TTL: variants seen among roughly 807,000 people sequenced by gnomAD.
TTL encodes tubulin tyrosine ligase, also known as tubulin--tyrosine ligase.
Under a neutral mutation model 41.1 loss-of-function variants are expected in TTL, and 10 were observed. That is an observed-to-expected ratio of 0.24 (90% CI 0.15 to 0.41). TTL has a LOEUF of 0.41. Ranked by LOEUF, TTL falls within the 10% of genes least tolerant of loss-of-function variation. The pLI, the probability that TTL is intolerant of heterozygous loss-of-function variation, is 1.00. For synonymous variants in TTL, 175 were observed against 175.5 expected, an observed-to-expected ratio of 1.00 and a Z score of 0.02; for missense variants, 367 against 460.4, an observed-to-expected ratio of 0.80 and a Z score of 1.86.
rs1237559187 is a variant in TTL at position 112,484,519 on chromosome 2, C to T, written c.158-1398C>T. ...ACCTCAGGTGATCCGCCCACTTCGT[C>T]CTCCCAAAGTGCTGGGATTACAGGC... On this transcript the variant is annotated intron_variant, in intron 1 of 6. Coordinates refer to ENST00000233336, the MANE Select transcript of TTL (RefSeq NM_153712.5). 2.6e-5 allele frequency among the ~76,000 whole-genome samples: 4 copies of T among 152,098 alleles called. 1 individual carries two copies. The highest frequency in any genetic ancestry group is 9.7e-5 in the African/African-American group (4 of 41,420).
chr2:112,520,147 AAAAG>A, intron 5 of TTL, 131 bp from the exon 6 acceptor site: 3 of 1,107,864 alleles, frequency 2.7e-6, no homozygotes, highest in South Asian at 1.7e-5. Flanking sequence ...AAAAAAAAAA[AAAAG>A]GAAACAGAGA....
intron 6 of TTL, among the ~76,000 whole-genome samples, chr2:112,526,230 T>C (rs183410223): frequency 3.3e-5 from 5 of 152,338 alleles, no homozygotes; most frequent in African/African-American, 1.2e-4. Context: ...TCATCAGGGA[T>C]ATTGGTCTAA....
At chr2:112,528,558 C>T (rs544941620) in intron 6 of TTL, 123 bp from the exon 7 acceptor site, 9 of 732,980 alleles carry the variant, frequency 1.2e-5, no homozygotes, top group East Asian at 8.1e-5. Context: ...GTACCATGAT[C>T]GCACCACTGC....
At chr2:112,515,718 CA>C (rs1682050401) in intron 5 of TTL, among the ~76,000 whole-genome samples, 1 of 152,122 alleles carries the variant, frequency 6.6e-6, no homozygotes, top group Admixed American at 6.6e-5. Flanking sequence ...GAGGCCGAGG[CA>C]GGCAGATCAC....
chr2:112,494,231 G>C lies in TTL; in HGVS notation c.325G>C (p.Val109Leu). ...VIYPTNLKTP[V>L]APAQNGIQPP... ...TTATCCAACCAATCTCAAGACTCCA[G>C]TTGCTCCAGCACAGAATGGAATTCA... The change falls in exon 3 of 7, where the codon GTT (valine) becomes CTT (leucine). Residue 109 changes from valine (V) to leucine (L), a missense_variant. By Grantham distance (32) the Val-to-Leu change is conservative. Transcript: ENST00000233336. 6.2e-7 allele frequency: 1 copy of C among 1,614,190 alleles called. No individual in the cohort carries two copies. Among genetic ancestry groups the C allele is most frequent in the Non-Finnish European group, 8.5e-7 (1 of 1,180,036 alleles).
intron 5 of TTL, among the ~76,000 whole-genome samples, chr2:112,512,454 G>C (rs558308084): frequency 6.6e-6 from 1 of 152,186 alleles, no homozygotes; most frequent in East Asian, 1.9e-4. Context: ...AGTAGAGACA[G>C]GGTTTCACCG....
chr2:112,483,004 A>C (rs1442865050), intron 1 of TTL: 1 of 152,696 alleles, frequency 6.5e-6, no homozygotes, highest in African/African-American at 2.4e-5. Flanking sequence ...GGCGCGGAGG[A>C]GCGATCAGAG....
intron 2 of TTL, among the ~76,000 whole-genome samples, chr2:112,492,804 C>T (rs1424777979): frequency 2.0e-5 from 3 of 151,704 alleles, no homozygotes; most frequent in East Asian, 3.9e-4. Flanking sequence ...GGTGGGAGAA[C>T]GTTTTCAACC....
chr2:112,523,192 G>A (rs1419509442), intron 6 of TTL, among the ~76,000 whole-genome samples: 8 of 152,086 alleles, frequency 5.3e-5, no homozygotes, highest in Admixed American at 1.3e-4. Flanking sequence ...CAGCCTTACC[G>A]TGGCTGGCTT....
rs527330573 is a variant in TTL at position 112,540,409 on chromosome 2, ACTCTGT to A, written c.*11618_*11623del. ...CTCCATCCTCAGCAACAAGAGCAAA[ACTCTGT>A]CTCAAAAAAACAAAAAACAAAAAAA... On this transcript the variant is annotated 3_prime_UTR_variant, in exon 7 of 7. Coordinates refer to ENST00000233336, the MANE Select transcript of TTL (RefSeq NM_153712.5). The A allele has an allele frequency of 1.1e-4, 16 of 147,586 alleles. No homozygotes were observed. The highest frequency in any genetic ancestry group is 3.5e-4 in the African/African-American group (14 of 40,240). The allele number at this position is 147,586 out of a possible 1,614,324, so 9.1% of individuals were successfully genotyped here. A position where few individuals can be genotyped will look rare whatever the true frequency, so the allele number is the denominator to read the frequency against.
intron 1 of TTL, among the ~76,000 whole-genome samples, chr2:112,485,687 TG>T (rs771902199): frequency 6.6e-5 from 10 of 152,310 alleles, no homozygotes; most frequent in Non-Finnish European, 1.3e-4. Flanking sequence ...GCAGCAGTTT[TG>T]GCAAACCTAC....
At chr2:112,491,082 C>A (rs1354014957) in intron 2 of TTL, among the ~76,000 whole-genome samples, 1 of 151,992 alleles carries the variant, frequency 6.6e-6, no homozygotes, top group African/African-American at 2.4e-5. Context: ...ACCTCCGCCT[C>A]CCGGGTTCAA....
At chr2:112,528,044 G>A (rs71414673) in intron 6 of TTL, among the ~76,000 whole-genome samples, 17,233 of 152,176 alleles carry the variant, frequency 0.11, 1,106 homozygotes, top group South Asian at 0.16. Context: ...CTTGTCTGTA[G>A]AGGATTTTAT....
At chr2:112,488,916 G>A (rs566002327) in intron 2 of TTL, among the ~76,000 whole-genome samples, 1 of 151,828 alleles carries the variant, frequency 6.6e-6, no homozygotes, top group African/African-American at 2.4e-5. Flanking sequence ...GTGAAACCCC[G>A]TCTCTATTAA....
chr2:112,494,917 C>T (rs1274845354), intron 3 of TTL, among the ~76,000 whole-genome samples: 2 of 152,202 alleles, frequency 1.3e-5, no homozygotes, highest in Admixed American at 6.5e-5. Flanking sequence ...TGCTCTCAAC[C>T]AGTTCTCCTT....
chr2:112,528,589 G>T (rs995602172), intron 6 of TTL, 92 bp from the exon 7 acceptor site: 5 of 1,060,098 alleles, frequency 4.7e-6, no homozygotes, highest in Non-Finnish European at 5.7e-6. Context: ...GGGAGACAGA[G>T]CAAAACCCTG....
At position 112,517,616 on chromosome 2, in the gene TTL, A is replaced by G. The variant is rs374412200; in HGVS notation, c.876-2666A>G. 4.0e-5 allele frequency among the ~76,000 whole-genome samples: 6 copies of G among 151,656 alleles called. No homozygotes were observed. In the South Asian group the frequency reaches 1.0e-3, roughly 26 times the overall value. On this transcript the variant is annotated intron_variant, in intron 5 of 6. Transcript: ENST00000233336. Reference sequence around the variant, plus strand: ...CCATAAGCATCTGTTAAACTTTTAAATCTTCCTTAATTATAATATTTTAAA... The same window carrying G: ...CCATAAGCATCTGTTAAACTTTTAAGTCTTCCTTAATTATAATATTTTAAA...
In TTL at chr2:112,539,806, A is replaced by G. The variant is rs1682676618; in HGVS notation, c.*11011A>G. The G allele has an allele frequency of 6.6e-6, 1 of 152,232 alleles. No individual in the cohort carries two copies. Among genetic ancestry groups the G allele is most frequent in the African/African-American group, 2.4e-5 (1 of 41,470 alleles). The allele number at this position is 152,232 out of a possible 1,614,324, so 9.4% of individuals were successfully genotyped here. ...TAAGAAATCCACTTACGCTGTTAGAACTAATAAAGAGTTTAGCAAGATTGC... is the reference window on the plus strand; with the variant it reads ...TAAGAAATCCACTTACGCTGTTAGAGCTAATAAAGAGTTTAGCAAGATTGC... On this transcript the variant is annotated 3_prime_UTR_variant, in exon 7 of 7. Transcript: ENST00000233336.
intron 5 of TTL, among the ~76,000 whole-genome samples, chr2:112,503,647 G>A (rs567794847): frequency 1.5e-5 from 2 of 135,182 alleles, no homozygotes; most frequent in African/African-American, 2.8e-5. Flanking sequence ...TGGTCAGTCT[G>A]GTCTTGAACT....
Sources: allele counts gnomAD v4.1 joint callset (sites outside exome capture counted in the v4.1 genomes callset), GRCh38; gene constraint gnomAD v4.1.1; transcripts MANE v1.5; gene names NCBI Gene and HGNC (gene_info 2026-07-23, HGNC 2026-07-21).